The following TRIO variants were observed in gnomAD, a reference collection of about 807,000 sequenced individuals.
The protein encoded by TRIO is triple functional domain protein.
In TRIO, 58 loss-of-function variants were observed where a neutral mutation model predicts 351.9. The ratio of observed to expected loss-of-function variants is 0.16; its 90% CI spans 0.13 to 0.21. TRIO has a LOEUF of 0.21. TRIO is among the 10% of genes least tolerant of loss of function. The pLI is 1.00. For missense variants in TRIO, 3,201 were observed against 4,027.8 expected (o/e 0.79, Z 5.56); for synonymous variants, 1,758 against 1,595.7 (o/e 1.10, Z -2.42).
At chr5:14,182,940 G>A (rs532737391) in intron 1 of TRIO, among the ~76,000 whole-genome samples, 2 of 151,410 alleles carry the variant, frequency 1.3e-5, no homozygotes, top group African/African-American at 4.9e-5. Flanking sequence ...GCCCCTGCCT[G>A]CAGGCCTGGC....
At chr5:14,226,653 G>T (rs73057554) in intron 1 of TRIO, among the ~76,000 whole-genome samples, 4 of 152,150 alleles carry the variant, frequency 2.6e-5, no homozygotes. Context: ...TAATCACAAC[G>T]TTATAGTTTA....
intron 37 of TRIO, among the ~76,000 whole-genome samples, chr5:14,467,703 A>T (rs139967260): frequency 0.011 from 1,602 of 152,170 alleles, 19 homozygotes; most frequent in African/African-American, 0.037. Context: ...AGTCCCAGCT[A>T]TCGGGAGGCT....
At chr5:14,461,335 G>C in intron 35 of TRIO, 24 bp downstream of exon 35, 2 of 1,512,472 alleles carry the variant, frequency 1.3e-6, no homozygotes, top group Non-Finnish European at 1.8e-6. Flanking sequence ...CGCTGGTTGG[G>C]GCCGGCGTGG....
chr5:14,380,183 G>A (rs1561416791), intron 20 of TRIO, among the ~76,000 whole-genome samples: 2 of 152,154 alleles, frequency 1.3e-5, no homozygotes, highest in Middle Eastern at 3.2e-3. Flanking sequence ...CTGCACTCTC[G>A]GTTCCCTGTC....
chr5:14,290,184 G>A (rs573747681), intron 4 of TRIO, among the ~76,000 whole-genome samples: 30 of 152,184 alleles, frequency 2.0e-4, no homozygotes, highest in Admixed American at 5.9e-4. Flanking sequence ...CGTTTAATAG[G>A]CAGCCCACAC....
At chr5:14,239,138 C>CA (rs1259650264) in intron 1 of TRIO, among the ~76,000 whole-genome samples, 1 of 152,050 alleles carries the variant, frequency 6.6e-6, no homozygotes, top group South Asian at 2.1e-4. Flanking sequence ...TTGAAAAATT[C>CA]AAATATTAAA....
intron 34 of TRIO, among the ~76,000 whole-genome samples, chr5:14,421,216 A>T (rs949919384): frequency 2.3e-4 from 31 of 135,928 alleles, no homozygotes; most frequent in Admixed American, 6.4e-4. Context: ...CCCTTATTTA[A>T]TTATTTATTT....
intron 30 of TRIO, among the ~76,000 whole-genome samples, chr5:14,399,659 C>T (rs1747903135): frequency 1.3e-5 from 2 of 152,284 alleles, no homozygotes; most frequent in South Asian, 2.1e-4. Context: ...CATTTTAATT[C>T]GTAACCTGTC....
intron 1 of TRIO, among the ~76,000 whole-genome samples, chr5:14,183,377 A>G (rs1046659621): frequency 6.6e-6 from 1 of 152,112 alleles, no homozygotes. Context: ...TGCAGTAAAC[A>G]TATGTATGTT....
chr5:14,173,424 C>G (rs1408107539), intron 1 of TRIO, among the ~76,000 whole-genome samples: 2 of 151,938 alleles, frequency 1.3e-5, no homozygotes, highest in African/African-American at 4.8e-5. Context: ...GTTGGTCAGG[C>G]TCGTCTCCAA....
intron 1 of TRIO, among the ~76,000 whole-genome samples, chr5:14,180,670 C>A (rs1015116213): frequency 2.0e-5 from 3 of 151,830 alleles, no homozygotes; most frequent in Non-Finnish European, 2.9e-5. Context: ...CCTATCTCTA[C>A]AAAAAAATAA....
In TRIO at chr5:14,359,644, C is replaced by T; in HGVS notation, c.2391+113C>T. 6 of 1,272,370 alleles carry T rather than the reference C, an allele frequency of 4.7e-6. No individual in the cohort carries two copies. The South Asian group carries it at 7.3e-5, about 16-fold the overall frequency. 78.8% of individuals were successfully genotyped at this position (1,272,370 alleles called of 1,614,324 possible). A position where few individuals can be genotyped will look rare whatever the true frequency, so the allele number is the denominator to read the frequency against. ...GAGGTCCTGTGTCCTCACCCACACCCCAACCCTCTGCACCAGGAGGGGGTG... is the reference window on the plus strand; with the variant it reads ...GAGGTCCTGTGTCCTCACCCACACCTCAACCCTCTGCACCAGGAGGGGGTG... On this transcript the variant is annotated intron_variant, in intron 13 of 56. Transcript: ENST00000344204.
chr5:14,198,204 T>C (rs1264555919), intron 1 of TRIO, among the ~76,000 whole-genome samples: 2 of 152,248 alleles, frequency 1.3e-5, no homozygotes, highest in African/African-American at 4.8e-5. Context: ...TGATTTCATA[T>C]AGCATGTATT....
intron 34 of TRIO, 44 bp from the exon 35 acceptor site, chr5:14,460,975 G>GGTGTGA (rs1753741843): frequency 2.0e-6 from 3 of 1,484,104 alleles, no homozygotes; most frequent in Non-Finnish European, 2.7e-6. Context: ...CACACCGGAG[G>GGTGTGA]GTCTGTGCGA....
At chr5:14,151,088 C>T (rs958729400) in intron 1 of TRIO, among the ~76,000 whole-genome samples, 3 of 152,108 alleles carry the variant, frequency 2.0e-5, no homozygotes, top group East Asian at 1.9e-4. Flanking sequence ...GTTCCTGGTG[C>T]GAAAGAAGAA....
intron 1 of TRIO, among the ~76,000 whole-genome samples, chr5:14,228,320 T>C (rs1480062194): frequency 6.6e-6 from 1 of 152,230 alleles, no homozygotes; most frequent in Non-Finnish European, 1.5e-5. Context: ...CCATCCAGAA[T>C]TGGAGACTGT....
chr5:14,322,666 C>T (rs1739991305), intron 9 of TRIO, among the ~76,000 whole-genome samples: 1 of 152,190 alleles, frequency 6.6e-6, no homozygotes, highest in African/African-American at 2.4e-5. Context: ...AGTTTGAGTT[C>T]CTGAACTCCC....
At chr5:14,181,008 G>A (rs1429339386) in intron 1 of TRIO, among the ~76,000 whole-genome samples, 1 of 152,056 alleles carries the variant, frequency 6.6e-6, no homozygotes, top group East Asian at 1.9e-4. Context: ...AGAAAATTGT[G>A]TTCATAAACA....
intron 1 of TRIO, among the ~76,000 whole-genome samples, chr5:14,201,393 C>CT (rs1427667039): frequency 1.3e-5 from 2 of 152,112 alleles, no homozygotes; most frequent in African/African-American, 2.4e-5. Context: ...GTTATAGCAG[C>CT]TTTTTAAAAA....
Sources: gnomAD v4.1 joint callset for allele counts (sites outside exome capture counted in the v4.1 genomes callset) on GRCh38, gnomAD v4.1.1 for gene constraint, MANE v1.5 for transcripts, NCBI Gene and HGNC (gene_info 2026-07-23, HGNC 2026-07-21) for gene names.